Variants in NFXL1 observed in about 807,000 individuals in gnomAD.
NFXL1 encodes nuclear transcription factor, X-box binding like 1.
In NFXL1, 66 loss-of-function variants were observed where a neutral mutation model predicts 123.3. The observed-to-expected ratio is 0.54, with a 90% CI of 0.44 to 0.66. The LOEUF (loss-of-function observed/expected upper bound fraction) is 0.66, where lower values mean the gene tolerates loss of function less well. Among genes scored for constraint, NFXL1 ranks in the 30% least tolerant of loss-of-function variants. The probability of loss-of-function intolerance (pLI) is 0.00; values close to 1 mark genes in which losing one functional copy is unlikely to be tolerated. For synonymous variants in NFXL1, 346 were observed against 360.8 expected (o/e 0.96, Z 0.46); for missense variants, 944 against 1,125.6 (o/e 0.84, Z 2.31).
chr4:47,894,676 C>A (rs1227116411), intron 10 of NFXL1, among the ~76,000 whole-genome samples: 1 of 151,844 alleles, frequency 6.6e-6, no homozygotes, highest in East Asian at 1.9e-4. Flanking sequence ...GTGGTCAAAA[C>A]CAGAATGACA....
intron 18 of NFXL1, among the ~76,000 whole-genome samples, chr4:47,863,760 T>G (rs1577995346): frequency 6.6e-6 from 1 of 152,330 alleles, no homozygotes; most frequent in East Asian, 1.9e-4. Context: ...TGCTTTTATA[T>G]CTCAGTGAGT....
At chr4:47,858,027 G>T (rs1288265335) in intron 19 of NFXL1, among the ~76,000 whole-genome samples, 1 of 152,050 alleles carries the variant, frequency 6.6e-6, no homozygotes, top group African/African-American at 2.4e-5. Context: ...AATTGATTCT[G>T]CAATTTGCAA....
chr4:47,913,883 G>C (rs1354475406), intron 2 of NFXL1, 86 bp downstream of exon 2: 20 of 886,958 alleles, frequency 2.3e-5, no homozygotes, highest in Non-Finnish European at 2.8e-5. Flanking sequence ...AGCAGTGAAA[G>C]AAAGAAGGCG....
intron 18 of NFXL1, among the ~76,000 whole-genome samples, chr4:47,874,442 G>C (rs775381129): frequency 6.6e-6 from 1 of 152,226 alleles, no homozygotes; most frequent in Non-Finnish European, 1.5e-5. Flanking sequence ...GGCGCAAGAA[G>C]AGGTAGAGAG....
Position 47,905,893 on chromosome 4 carries a change from T to C in NFXL1, c.407-547A>G, listed in dbSNP as rs980904330. ...TGTTCACTATTTCTGCTTAAGAAGG[T>C]AGCATAAGCTTTTTAGAAAAAACAG... On this transcript the variant is annotated intron_variant, in intron 3 of 22. Transcript: ENST00000507489. 1.4e-4 allele frequency among the ~76,000 whole-genome samples: 22 copies of C among 152,272 alleles called. No individual in the cohort carries two copies. In the East Asian group the frequency reaches 4.2e-3, roughly 29 times the overall value.
Position 47,914,170 on chromosome 4 carries a change from G to C in NFXL1, c.34C>G (p.Arg12Gly). 6.5e-7 allele frequency: 1 copy of C among 1,531,360 alleles called. No homozygotes were observed. Among genetic ancestry groups the C allele is most frequent in the Non-Finnish European group, 8.8e-7 (1 of 1,137,498 alleles). The allele number at this position is 1,531,360 out of a possible 1,614,324, so 94.9% of individuals were successfully genotyped here. A position where few individuals can be genotyped will look rare whatever the true frequency, so the allele number is the denominator to read the frequency against. ...GTGGCCCGTCCCCGGGATCGGCCTC[G>C]GCCACCGGCCACCTGGCGCCAGGAA... ...EASWRQVAGG[R>G]GRSRGRATAA... Residue 12 changes from arginine to glycine, a missense_variant, in exon 2 of 23, where the codon CGA (arginine) becomes GGA (glycine). By Grantham distance (125) the Arg-to-Gly change is moderately radical. Transcript: ENST00000507489.
At chr4:47,849,774 C>T (rs2110020193) in intron 22 of NFXL1, among the ~76,000 whole-genome samples, 1 of 152,136 alleles carries the variant, frequency 6.6e-6, no homozygotes, top group East Asian at 1.9e-4. Context: ...CTAGGATCCC[C>T]TTGGATATAA....
intron 22 of NFXL1, among the ~76,000 whole-genome samples, chr4:47,848,763 C>A (rs1251213654): frequency 6.6e-6 from 1 of 152,062 alleles, no homozygotes; most frequent in African/African-American, 2.4e-5. Flanking sequence ...GTGGCGGGTG[C>A]CTGTAGTCCC....
chr4:47,902,041 G>A (rs1221549924), intron 5 of NFXL1, among the ~76,000 whole-genome samples: 1 of 152,074 alleles, frequency 6.6e-6, no homozygotes, highest in Non-Finnish European at 1.5e-5. Flanking sequence ...ACTTAGCCAG[G>A]CATGGTGGCA....
intron 3 of NFXL1, among the ~76,000 whole-genome samples, chr4:47,910,327 C>T (rs970691489): frequency 6.6e-6 from 1 of 151,928 alleles, no homozygotes; most frequent in Non-Finnish European, 1.5e-5. Context: ...CCAGCCTGGG[C>T]AACAGAACAA....
intron 18 of NFXL1, among the ~76,000 whole-genome samples, chr4:47,867,811 G>T (rs547599012): frequency 6.6e-6 from 1 of 151,772 alleles, no homozygotes; most frequent in Admixed American, 6.6e-5. Flanking sequence ...AGGAAAGAAC[G>T]CATCAATAAA....
At chr4:47,897,667 T>A (rs1737161938) in intron 9 of NFXL1, among the ~76,000 whole-genome samples, 1 of 152,138 alleles carries the variant, frequency 6.6e-6, no homozygotes, top group African/African-American at 2.4e-5. Flanking sequence ...TGGACAAATG[T>A]ATAATGACAT....
chr4:47,876,538 T>A lies in NFXL1; in HGVS notation c.2080-1245A>T, dbSNP rs1040295679. Among the ~76,000 whole-genome samples the A allele has an allele frequency of 2.0e-5, 3 of 151,976 alleles. No homozygotes were observed. The East Asian group carries it at 5.8e-4, about 29-fold the overall frequency. ...AGAGTGATGAGAAGTCAGATGAAAG[T>A]TGGGAAAGATAGTCAGGAGTTAGAT... is the stretch of plus-strand genomic sequence containing the variant. On this transcript the variant is annotated intron_variant, in intron 17 of 22. Coordinates refer to ENST00000507489, the MANE Select transcript of NFXL1 (RefSeq NM_001278624.2).
chr4:47,880,629 T>C (rs1373759476), intron 15 of NFXL1, among the ~76,000 whole-genome samples: 1 of 151,760 alleles, frequency 6.6e-6, no homozygotes, highest in East Asian at 1.9e-4. Flanking sequence ...TCCTATAGCA[T>C]GTGCTCACTT....
intron 18 of NFXL1, among the ~76,000 whole-genome samples, chr4:47,866,732 C>A (rs940188166): frequency 6.6e-6 from 1 of 152,192 alleles, no homozygotes; most frequent in Non-Finnish European, 1.5e-5. Flanking sequence ...AGGTTCCCAC[C>A]ATTCCCAGAA....
At chr4:47,884,942 C>T (rs1260055655) in intron 14 of NFXL1, among the ~76,000 whole-genome samples, 1 of 151,902 alleles carries the variant, frequency 6.6e-6, no homozygotes, top group Non-Finnish European at 1.5e-5. Context: ...GCCTGATCAA[C>T]AAGCTGAAAC....
intron 18 of NFXL1, among the ~76,000 whole-genome samples, chr4:47,867,937 A>G (rs1326276211): frequency 1.3e-5 from 2 of 152,240 alleles, no homozygotes; most frequent in African/African-American, 4.8e-5. Flanking sequence ...TGGAGAAACT[A>G]CTAGAGGATG....
Position 47,894,290 on chromosome 4 carries a change from G to T in NFXL1, c.1342C>A (p.His448Asn). 6.3e-7 allele frequency: 1 copy of T among 1,585,552 alleles called. No homozygotes were observed. Among genetic ancestry groups the T allele is most frequent in the Non-Finnish European group, 8.6e-7 (1 of 1,166,452 alleles). The part of the protein sequence containing the change: ...CETCRQEVEK[H>N]CRCGKHTKRM... The stretch of plus-strand genomic sequence containing the variant: ...TTTGTATGCTTTCCACAGCGACAAT[G>T]CTTTTCCACTTCCTGGAAGAATAAA... Residue 448 changes from histidine to asparagine, a missense_variant, in exon 11 of 23, where the codon CAT (histidine) becomes AAT (asparagine). Around this residue, in one of 4 missense-constraint regions of NFXL1, gnomAD observed 296 missense variants for 395.1 expected, o/e 0.75. Transcript: ENST00000507489.
Position 47,884,368 on chromosome 4 carries a change from G to A in NFXL1, c.1894C>T (p.Pro632Ser). 6.2e-7 allele frequency: 1 copy of A among 1,602,656 alleles called. No individual in the cohort carries two copies. Residue 632 changes from proline (P) to serine (S), a missense_variant, in exon 15 of 23, where the codon CCA (proline) becomes TCA (serine). Around this residue, in one of 4 missense-constraint regions of NFXL1, gnomAD observed 301 missense variants for 348.0 expected, o/e 0.86. Transcript: ENST00000507489. ...AFIQTALPCP[P>S]CQVPIPMECL... is the part of the protein sequence containing the mutation. ...TACATAGGAATAGGAACTTGACATG[G>A]AGGACACGGTAATGCAGTCTGAATA... is the stretch of plus-strand genomic sequence containing the variant.
Sources: gnomAD v4.1 joint callset for allele counts (sites outside exome capture counted in the v4.1 genomes callset) on GRCh38, gnomAD v4.1.1 for gene constraint, gnomAD v4.1.1 regional missense constraint, MANE v1.5 for transcripts, NCBI Gene and HGNC (gene_info 2026-07-23, HGNC 2026-07-21) for gene names.